The following ARHGAP20 variants were observed in gnomAD, a reference collection of about 807,000 sequenced individuals.
The protein encoded by ARHGAP20 is Rho GTPase activating protein 20, also known as rho GTPase-activating protein 20.
Under a neutral mutation model 73.7 loss-of-function variants are expected in ARHGAP20, and 34 were observed. That is an observed-to-expected ratio of 0.46 (90% CI 0.35 to 0.61). The LOEUF is 0.61. Ranked by LOEUF, ARHGAP20 falls within the 20% of genes least tolerant of loss-of-function variation. The pLI is 0.00. For synonymous variants in ARHGAP20, 523 were observed against 518.2 expected (o/e 1.01, Z -0.13); for missense variants, 1,314 against 1,420.9 (o/e 0.92, Z 1.21).
chr11:110,582,303 T>A lies in ARHGAP20; in HGVS notation c.1720+18A>T, dbSNP rs751005711. The A allele has an allele frequency of 5.1e-6, 8 of 1,567,312 alleles. No homozygotes were observed. Among genetic ancestry groups the A allele is most frequent in the Non-Finnish European group, 7.0e-6 (8 of 1,137,980 alleles). ...TGTGTCTGTTTCTCACAAAAACCAATCCAATTATTCACAATACCTGAGGCA... is the reference window on the plus strand; with the variant it reads ...TGTGTCTGTTTCTCACAAAAACCAAACCAATTATTCACAATACCTGAGGCA... On this transcript the variant is annotated intron_variant, in intron 14 of 14. Transcript: ENST00000683387.
At chr11:110,639,343 T>G (rs1464373973) in intron 2 of ARHGAP20, among the ~76,000 whole-genome samples, 1 of 151,678 alleles carries the variant, frequency 6.6e-6, no homozygotes, top group Non-Finnish European at 1.5e-5. Context: ...CTCCGAGTTC[T>G]CTGAAAGCAT....
At chr11:110,690,675 C>T in intron 1 of ARHGAP20, 46 bp from the exon 2 acceptor site, 1 of 1,561,602 alleles carries the variant, frequency 6.4e-7, no homozygotes, top group Non-Finnish European at 8.8e-7. Flanking sequence ...GCTTGTAAGG[C>T]AAGACAATGT....
chr11:110,707,190 C>T (rs1212436036), intron 1 of ARHGAP20, among the ~76,000 whole-genome samples: 2 of 152,096 alleles, frequency 1.3e-5, no homozygotes, highest in Admixed American at 1.3e-4. Context: ...TCTTTTCCCC[C>T]ATTCCAACAC....
intron 2 of ARHGAP20, among the ~76,000 whole-genome samples, chr11:110,631,050 C>T (rs550876971): frequency 6.6e-6 from 1 of 152,180 alleles, no homozygotes; most frequent in African/African-American, 2.4e-5. Flanking sequence ...CTTGCTTTAC[C>T]AAATACCTAT....
chr11:110,605,033 C>G (rs1948191482), intron 9 of ARHGAP20, among the ~76,000 whole-genome samples: 1 of 152,116 alleles, frequency 6.6e-6, no homozygotes, highest in Non-Finnish European at 1.5e-5. Flanking sequence ...ATGATTTCTT[C>G]CAACAGTGCA....
rs572854899 is a variant in ARHGAP20 at position 110,672,774 on chromosome 11, G to A, written c.188+17773C>T. The stretch of plus-strand genomic sequence containing the variant: ...GAAACAACTGGAATTCTCATACATC[G>A]TTGATAGGTATGTTAAATGGTACGA... On this transcript the variant is annotated intron_variant, in intron 2 of 14. Coordinates refer to ENST00000683387, the MANE Select transcript of ARHGAP20 (RefSeq NM_001384657.1). Among the ~76,000 whole-genome samples, 76 of 152,304 alleles carry A rather than the reference G, an allele frequency of 5.0e-4. 1 individual carries two copies. Among genetic ancestry groups the A allele is most frequent in the South Asian group, 4.1e-4 (2 of 4,830 alleles).
intron 9 of ARHGAP20, among the ~76,000 whole-genome samples, chr11:110,595,974 C>G (rs1194394396): frequency 6.6e-6 from 1 of 151,970 alleles, no homozygotes; most frequent in Non-Finnish European, 1.5e-5. Context: ...GAACAGAGCA[C>G]TTAGAAATAA....
chr11:110,652,093 T>C (rs116536791), intron 2 of ARHGAP20, among the ~76,000 whole-genome samples: 3,141 of 152,270 alleles, frequency 0.021, 109 homozygotes, highest in African/African-American at 0.071. Flanking sequence ...CATATGCAAA[T>C]TGATAAATGT....
intron 1 of ARHGAP20, among the ~76,000 whole-genome samples, chr11:110,701,208 TAAAA>T (rs1950444484): frequency 1.3e-5 from 2 of 151,110 alleles, no homozygotes; most frequent in Non-Finnish European, 2.9e-5. Flanking sequence ...TCCAACAGTG[TAAAA>T]GTGTTCCTAT....
chr11:110,673,863 A>C (rs1949876903), intron 2 of ARHGAP20, among the ~76,000 whole-genome samples: 1 of 152,212 alleles, frequency 6.6e-6, no homozygotes, highest in Admixed American at 6.5e-5. Context: ...ATGATGGCTA[A>C]GGTAACAAAT....
At position 110,711,967 on chromosome 11, in the gene ARHGAP20, G is replaced by A. The variant is rs892015643; in HGVS notation, c.105+160C>T. 3.3e-4 allele frequency: 409 copies of A among 1,253,638 alleles called. 2 individuals carry two copies. In the Middle Eastern group the frequency reaches 4.0e-3, roughly 12 times the overall value. 77.7% of individuals were successfully genotyped at this position (1,253,638 alleles called of 1,614,324 possible). On this transcript the variant is annotated intron_variant, in intron 1 of 14. Transcript: ENST00000683387. Reference sequence around the variant, plus strand: ...GGCGGCGCTGCCGCTGGCCGTCAAGGGCGGGAAGTGTTCTGGGACTCTCAT... The same window carrying A: ...GGCGGCGCTGCCGCTGGCCGTCAAGAGCGGGAAGTGTTCTGGGACTCTCAT...
rs537033316 is a variant in ARHGAP20 at position 110,669,473 on chromosome 11, A to G, written c.188+21074T>C. Among the ~76,000 whole-genome samples the G allele has an allele frequency of 4.3e-4, 64 of 149,856 alleles. No individual in the cohort carries two copies. In the Middle Eastern group the frequency reaches 0.01, roughly 25 times the overall value. ...AAAACACTTAAAACTCAACAGTAAGAAAAAAAAAACCCAACACAAAATGAG... is the reference window on the plus strand; with the variant it reads ...AAAACACTTAAAACTCAACAGTAAGGAAAAAAAAACCCAACACAAAATGAG... On this transcript the variant is annotated intron_variant, in intron 2 of 14. Coordinates refer to ENST00000683387, the MANE Select transcript of ARHGAP20 (RefSeq NM_001384657.1).
chr11:110,712,127 C>T lies in ARHGAP20; in HGVS notation c.105G>A (p.Lys35=). ...SRLAGGSCTK[K]KMKTLAERRR... ...ACGGGCCCCCGCTCAGCGTCCTCAC[C>T]TTCTTGGTGCAGCTGCCTCCCGCGA... Residue 35 remains lysine, a splice_region_variant and synonymous_variant, in exon 1 of 15, where the codon AAG becomes AAA. Coordinates refer to ENST00000683387, the MANE Select transcript of ARHGAP20 (RefSeq NM_001384657.1). 7.4e-7 allele frequency: 1 copy of T among 1,348,644 alleles called. No individual in the cohort carries two copies. The highest frequency in any genetic ancestry group is 2.9e-5 in the East Asian group (1 of 34,464). 83.5% of individuals were successfully genotyped at this position (1,348,644 alleles called of 1,614,324 possible).
At chr11:110,590,120 C>CAA (rs558720081) in intron 11 of ARHGAP20, among the ~76,000 whole-genome samples, 48 of 63,974 alleles carry the variant, frequency 7.5e-4, no homozygotes, top group Non-Finnish European at 1.1e-3. Context: ...GACCCCGCCT[C>CAA]AAAAAAAAAA....
intron 1 of ARHGAP20, among the ~76,000 whole-genome samples, chr11:110,704,825 C>T (rs767142322): frequency 1.3e-5 from 2 of 152,166 alleles, no homozygotes. Context: ...ACCAACAGAA[C>T]AGGCGAGCAA....
chr11:110,678,290 G>T (rs1224308520), intron 2 of ARHGAP20, among the ~76,000 whole-genome samples: 1 of 152,212 alleles, frequency 6.6e-6, no homozygotes, highest in East Asian at 1.9e-4. Context: ...AGATTTTGGT[G>T]ATGGCTTCAC....
At chr11:110,585,125 ATATGTGAATG>A (rs1947625984) in intron 12 of ARHGAP20, among the ~76,000 whole-genome samples, 3 of 150,632 alleles carry the variant, frequency 2.0e-5, no homozygotes, top group Non-Finnish European at 4.4e-5. Flanking sequence ...ATATATGAAT[ATATGTGAATG>A]TATATATGAA....
intron 2 of ARHGAP20, among the ~76,000 whole-genome samples, chr11:110,646,567 A>G (rs1195170530): frequency 6.6e-6 from 1 of 152,178 alleles, no homozygotes; most frequent in African/African-American, 2.4e-5. Flanking sequence ...AGAAATAAAA[A>G]AAACATTTTT....
At chr11:110,690,379 G>A (rs1373738379) in intron 2 of ARHGAP20, among the ~76,000 whole-genome samples, 168 bp downstream of exon 2, 1 of 152,106 alleles carries the variant, frequency 6.6e-6, no homozygotes, top group East Asian at 1.9e-4. Flanking sequence ...TACCAGCTAG[G>A]CACTATTAAC....
Sources: allele counts gnomAD v4.1 joint callset (sites outside exome capture counted in the v4.1 genomes callset), GRCh38; gene constraint gnomAD v4.1.1; transcripts MANE v1.5; gene names NCBI Gene and HGNC (gene_info 2026-07-23, HGNC 2026-07-21).